SCCPDH: variants seen among roughly 807,000 people sequenced by gnomAD.
The protein encoded by SCCPDH is saccharopine dehydrogenase (putative), also known as saccharopine dehydrogenase-like oxidoreductase.
SCCPDH carries 34 observed loss-of-function variants against 51.5 expected under a neutral mutation model. That is an observed-to-expected ratio of 0.66 (90% CI 0.50 to 0.88). The LOEUF is 0.88. Among genes scored for constraint, SCCPDH ranks in the 40% least tolerant of loss-of-function variants. SCCPDH has a pLI of 0.00. For missense variants in SCCPDH, 464 were observed against 527.1 expected (o/e 0.88, Z 1.17); for synonymous variants, 187 against 191.3 (o/e 0.98, Z 0.19).
intron 9 of SCCPDH, among the ~76,000 whole-genome samples, chr1:246,763,169 G>A (rs1388961949): frequency 3.9e-5 from 6 of 152,148 alleles, no homozygotes; most frequent in African/African-American, 1.4e-4. Flanking sequence ...ACAAATGGCC[G>A]AAAGTCCATC....
At position 246,767,636 on chromosome 1, in the gene SCCPDH, C is replaced by T. The variant is rs1669107790; in HGVS notation, c.*336C>T. On this transcript the variant is annotated 3_prime_UTR_variant, in exon 12 of 12. Transcript: ENST00000366510. Reference sequence around the variant, plus strand: ...CAGCAGCATTCTCATCGGGGGTGCGCACACCATCGTTACTGTCGGGCAGTA... The same window carrying T: ...CAGCAGCATTCTCATCGGGGGTGCGTACACCATCGTTACTGTCGGGCAGTA... 1 of 161,432 alleles carries T rather than the reference C, an allele frequency of 6.2e-6. No homozygotes were observed. Among genetic ancestry groups the T allele is most frequent in the Admixed American group, 6.4e-5 (1 of 15,558 alleles). 10.0% of individuals were successfully genotyped at this position (161,432 alleles called of 1,614,324 possible).
chr1:246,753,968 G>A (rs933968957), intron 5 of SCCPDH, among the ~76,000 whole-genome samples: 1 of 151,820 alleles, frequency 6.6e-6, no homozygotes, highest in African/African-American at 2.4e-5. Flanking sequence ...GAGACCTAGG[G>A]GGCACTCAAG....
chr1:246,766,074 T>C lies in SCCPDH; in HGVS notation c.1119T>C (p.Ala373=). Residue 373 remains alanine (A), a synonymous_variant, in exon 11 of 12, where the codon GCT becomes GCC. Transcript: ENST00000366510. ...QVKGPEAGYV[A]TPIAMVQAAM... ...TTTCTGCAGAGGCTGGCTATGTGGC[T>C]ACCCCCATAGCTATGGTTCAGGCAG... is the stretch of plus-strand genomic sequence containing the variant. The C allele has an allele frequency of 1.2e-6, 2 of 1,612,664 alleles. No individual in the cohort carries two copies. Among genetic ancestry groups the C allele is most frequent in the Non-Finnish European group, 8.5e-7 (1 of 1,179,206 alleles).
At chr1:246,748,511 A>G (rs1240098138) in intron 5 of SCCPDH, among the ~76,000 whole-genome samples, 3 of 152,170 alleles carry the variant, frequency 2.0e-5, no homozygotes, top group Non-Finnish European at 4.4e-5. Flanking sequence ...TGTTTTCCCA[A>G]GCCATCTGGC....
chr1:246,765,643 A>G (rs1468428478), intron 10 of SCCPDH, among the ~76,000 whole-genome samples: 1 of 152,150 alleles, frequency 6.6e-6, no homozygotes, highest in Admixed American at 6.5e-5. Flanking sequence ...CTCAGTGTAC[A>G]ATAGAGAAAC....
chr1:246,749,352 A>G (rs935376465), intron 5 of SCCPDH, among the ~76,000 whole-genome samples: 1 of 152,102 alleles, frequency 6.6e-6, no homozygotes, highest in African/African-American at 2.4e-5. Flanking sequence ...TAACCTCTAC[A>G]GTAGCTACAT....
chr1:246,752,759 G>A (rs1021807564), intron 5 of SCCPDH, among the ~76,000 whole-genome samples: 2 of 151,994 alleles, frequency 1.3e-5, no homozygotes, highest in African/African-American at 4.8e-5. Flanking sequence ...AATCAATATA[G>A]AGGCGTAAGC....
intron 5 of SCCPDH, among the ~76,000 whole-genome samples, chr1:246,749,215 G>A (rs1668814850): frequency 6.6e-6 from 1 of 152,196 alleles, no homozygotes; most frequent in African/African-American, 2.4e-5. Flanking sequence ...TTGGGTATCT[G>A]GCCTGCCTGT....
intron 3 of SCCPDH, among the ~76,000 whole-genome samples, chr1:246,739,957 A>G (rs1390411054): frequency 3.3e-5 from 5 of 152,210 alleles, no homozygotes; most frequent in African/African-American, 9.6e-5. Flanking sequence ...AGTGTCATAC[A>G]GTCAGACGAG....
intron 10 of SCCPDH, 65 bp from the exon 11 acceptor site, chr1:246,765,993 T>G: frequency 9.4e-7 from 1 of 1,060,512 alleles, no homozygotes; most frequent in Non-Finnish European, 1.4e-6. Flanking sequence ...CCATTTGATT[T>G]TTGATGTTGT....
intron 4 of SCCPDH, among the ~76,000 whole-genome samples, chr1:246,742,228 C>T (rs913675254): frequency 1.3e-5 from 2 of 152,214 alleles, no homozygotes; most frequent in African/African-American, 4.8e-5. Flanking sequence ...CCTAATATGT[C>T]TCCATTTCTT....
At chr1:246,751,183 C>G (rs1490877516) in intron 5 of SCCPDH, among the ~76,000 whole-genome samples, 1 of 152,196 alleles carries the variant, frequency 6.6e-6, no homozygotes, top group Non-Finnish European at 1.5e-5. Flanking sequence ...CTAAATGTCA[C>G]CTTTCTATTA....
chr1:246,759,805 T>C, intron 7 of SCCPDH, 152 bp from the exon 8 acceptor site: 1 of 806,360 alleles, frequency 1.2e-6, no homozygotes, highest in Non-Finnish European at 1.9e-6. Flanking sequence ...GTCTGGTTTC[T>C]GAACAAGATT....
intron 5 of SCCPDH, among the ~76,000 whole-genome samples, chr1:246,744,572 CA>C (rs370241385): frequency 0.051 from 7,817 of 151,982 alleles, 262 homozygotes; most frequent in African/African-American, 0.077. Flanking sequence ...CCGCCCACCT[CA>C]GCCTCCCAAA....
chr1:246,726,856 T>C (rs34677128), intron 1 of SCCPDH, 36 bp from the exon 2 acceptor site: 156,374 of 1,410,414 alleles, frequency 0.11, 12,358 homozygotes, highest in African/African-American at 0.34. Context: ...AATCCTCTAC[T>C]GGGATTTACT....
At chr1:246,742,519 C>T (rs752230255) in intron 4 of SCCPDH, among the ~76,000 whole-genome samples, 1 of 152,154 alleles carries the variant, frequency 6.6e-6, no homozygotes, top group Non-Finnish European at 1.5e-5. Flanking sequence ...ATCACAGAGC[C>T]GCACACCCAG....
chr1:246,744,348 C>T (rs1205916943), intron 5 of SCCPDH, among the ~76,000 whole-genome samples: 2 of 151,766 alleles, frequency 1.3e-5, no homozygotes, highest in African/African-American at 2.4e-5. Flanking sequence ...GATGGAGTTA[C>T]GCTCTTGTCG....
chr1:246,756,299 T>C (rs1270140309), intron 5 of SCCPDH, among the ~76,000 whole-genome samples: 1 of 152,202 alleles, frequency 6.6e-6, no homozygotes, highest in Non-Finnish European at 1.5e-5. Flanking sequence ...GATGAATTCT[T>C]AGGTGATTAA....
intron 5 of SCCPDH, chr1:246,755,432 G>A (rs1668915986): frequency 6.6e-6 from 1 of 152,206 alleles, no homozygotes; most frequent in African/African-American, 2.4e-5. Flanking sequence ...CTTGACATAT[G>A]GTAAAGGGGC....
Sources: gnomAD v4.1 joint callset for allele counts (sites outside exome capture counted in the v4.1 genomes callset) on GRCh38, gnomAD v4.1.1 for gene constraint, MANE v1.5 for transcripts, NCBI Gene and HGNC (gene_info 2026-07-23, HGNC 2026-07-21) for gene names.